TMEM260: variants seen among roughly 807,000 people sequenced by gnomAD.
TMEM260 encodes the protein protein O-mannosyl-transferase TMEM260.
In TMEM260, 82 loss-of-function variants were observed where a neutral mutation model predicts 88.9. The observed-to-expected ratio is 0.92, with a 90% CI of 0.77 to 1.11. The LOEUF (loss-of-function observed/expected upper bound fraction) is 1.11, where lower values mean the gene tolerates loss of function less well. Ranked by LOEUF, TMEM260 falls within the 50% of genes least tolerant of loss-of-function variation. TMEM260 has a pLI of 0.00. For missense variants in TMEM260, 902 were observed against 853.4 expected, an observed-to-expected ratio of 1.06 and a Z score of -0.71; for synonymous variants, 314 against 309.3, an observed-to-expected ratio of 1.02 and a Z score of -0.16.
intron 15 of TMEM260, among the ~76,000 whole-genome samples, chr14:56,644,251 A>G (rs1889803300): frequency 6.6e-6 from 1 of 152,226 alleles, no homozygotes; most frequent in South Asian, 2.1e-4. Context: ...ACCTGACTTC[A>G]AACTATACTA....
rs1408941598 is a variant in TMEM260, at chr14:56,632,988, C to G, written c.1548-7C>G. On this transcript the variant is annotated splice_region_variant and splice_polypyrimidine_tract_variant and intron_variant, in intron 12 of 15. Coordinates refer to ENST00000261556, the MANE Select transcript of TMEM260 (RefSeq NM_017799.4). Reference sequence around the variant, plus strand: ...AAGTACATCATGTATTTTTCTGTTTCCAACAGAAAAGAAACATTTGTTTGC... The same window carrying G: ...AAGTACATCATGTATTTTTCTGTTTGCAACAGAAAAGAAACATTTGTTTGC... The G allele has an allele frequency of 2.5e-6, 4 of 1,609,664 alleles. No individual in the cohort carries two copies. Among genetic ancestry groups the G allele is most frequent in the South Asian group, 2.2e-5 (2 of 90,622 alleles).
chr14:56,649,923 C>G, downstream of TMEM260: 1 of 327,410 alleles, frequency 3.1e-6, no homozygotes, highest in South Asian at 2.5e-5. Flanking sequence ...CTAAAAACCA[C>G]TGGTAAATGA....
At chr14:56,637,478 A>G (rs966629817) in intron 15 of TMEM260, among the ~76,000 whole-genome samples, 1 of 152,260 alleles carries the variant, frequency 6.6e-6, no homozygotes, top group African/African-American at 2.4e-5. Flanking sequence ...AGCAGATACA[A>G]GAGGCTTGCT....
Position 56,603,671 on chromosome 14 carries a change from A to G in TMEM260, c.345-144A>G, listed in dbSNP as rs541071936. ...TTAAAATCTGTTGAAGGAAATTATTATATGAGTTAATGTATTAACCATATA... is the reference window on the plus strand; with the variant it reads ...TTAAAATCTGTTGAAGGAAATTATTGTATGAGTTAATGTATTAACCATATA... On this transcript the variant is annotated intron_variant, in intron 3 of 15. Coordinates refer to ENST00000261556, the MANE Select transcript of TMEM260 (RefSeq NM_017799.4). 4.4e-4 allele frequency: 341 copies of G among 773,846 alleles called. 7 individuals carry two copies. The South Asian group carries it at 5.9e-3, about 13-fold the overall frequency. 47.9% of individuals were successfully genotyped at this position (773,846 alleles called of 1,614,324 possible).
chr14:56,581,734 A>C (rs1402547826), intron 1 of TMEM260, among the ~76,000 whole-genome samples: 1 of 152,196 alleles, frequency 6.6e-6, no homozygotes, highest in Non-Finnish European at 1.5e-5. Context: ...AAATGGGAAA[A>C]CTAAGGCTAA....
intron 3 of TMEM260, among the ~76,000 whole-genome samples, chr14:56,588,556 T>A (rs1312987887): frequency 1.3e-5 from 2 of 148,496 alleles, no homozygotes; most frequent in African/African-American, 5.2e-5. Flanking sequence ...AACACTGCAT[T>A]TTTTTGTCAA....
chr14:56,652,276 G>C (rs748087065), downstream of TMEM260, among the ~76,000 whole-genome samples: 2 of 151,942 alleles, frequency 1.3e-5, no homozygotes, highest in African/African-American at 2.4e-5. Context: ...CGGGTGGACC[G>C]CTTGAGTCCG....
chr14:56,614,295 G>A (rs144756318), intron 7 of TMEM260, among the ~76,000 whole-genome samples: 16,481 of 150,042 alleles, frequency 0.11, 1,447 homozygotes, highest in African/African-American at 0.24. Context: ...TGAGAGGATC[G>A]CTTGAGCCCA....
chr14:56,592,342 TA>T (rs1443784380), intron 3 of TMEM260, among the ~76,000 whole-genome samples: 2 of 152,236 alleles, frequency 1.3e-5, no homozygotes, highest in Non-Finnish European at 2.9e-5. Flanking sequence ...TTCTTAGGTC[TA>T]AACTTGACAA....
intron 15 of TMEM260, among the ~76,000 whole-genome samples, chr14:56,645,365 C>A (rs1024132570): frequency 8.6e-5 from 13 of 151,968 alleles, no homozygotes; most frequent in African/African-American, 3.1e-4. Context: ...AAGCTGGAAA[C>A]CATCATTCTG....
At chr14:56,661,536 G>A in the TMEM260 span, among the ~76,000 whole-genome samples, 5 of 131,088 alleles carry the variant, frequency 3.8e-5, no homozygotes, top group Admixed American at 7.3e-5. Flanking sequence ...AGGAGGAAAG[G>A]AGGGAGGGAG....
chr14:56,602,816 TA>T (rs1390846752), intron 3 of TMEM260, among the ~76,000 whole-genome samples: 1 of 152,106 alleles, frequency 6.6e-6, no homozygotes, highest in African/African-American at 2.4e-5. Flanking sequence ...TTTAATCATT[TA>T]AAAATAATGA....
the TMEM260 span, among the ~76,000 whole-genome samples, chr14:56,659,953 CTATG>C: frequency 6.6e-6 from 1 of 151,968 alleles, no homozygotes; most frequent in African/African-American, 2.4e-5. Flanking sequence ...GAGAAGCAAT[CTATG>C]TACTTAAAAA....
intron 12 of TMEM260, among the ~76,000 whole-genome samples, chr14:56,628,896 C>CTT (rs34838221): frequency 6.9e-6 from 1 of 145,244 alleles, no homozygotes; most frequent in East Asian, 2.0e-4. Flanking sequence ...TTTTGTATTT[C>CTT]TTTTTTTTTT....
At chr14:56,625,573 C>G (rs1888202046) in intron 12 of TMEM260, 43 bp downstream of exon 12, 2 of 1,516,542 alleles carry the variant, frequency 1.3e-6, no homozygotes, top group African/African-American at 1.4e-5. Flanking sequence ...AAATCTTAAG[C>G]TTTTCTAAAA....
chr14:56,636,583 C>T lies in TMEM260; in HGVS notation c.1854C>T (p.Tyr618=), dbSNP rs146422375. The change falls in exon 15 of 16, where the codon TAC becomes TAT. Residue 618 remains tyrosine, a synonymous_variant. Coordinates refer to ENST00000261556, the MANE Select transcript of TMEM260 (RefSeq NM_017799.4). ...HMPSKVKAQL[Y]AQAYDLYKEI... ...CTTCAAAAGTGAAAGCTCAACTCTA[C>T]GCTCAAGCATATGACGTATGTTACA... 5.0e-5 allele frequency: 80 copies of T among 1,613,776 alleles called. No homozygotes were observed. The highest frequency in any genetic ancestry group is 3.3e-4 in the Admixed American group (20 of 60,006).
intron 1 of TMEM260, among the ~76,000 whole-genome samples, chr14:56,583,001 AAGTT>A (rs1885239366): frequency 6.6e-6 from 1 of 152,212 alleles, no homozygotes; most frequent in African/African-American, 2.4e-5. Flanking sequence ...TGGTAAAAAG[AAGTT>A]AGAGAAAAAC....
chr14:56,590,727 A>G (rs1885802073), intron 3 of TMEM260, among the ~76,000 whole-genome samples: 1 of 152,244 alleles, frequency 6.6e-6, no homozygotes, highest in African/African-American at 2.4e-5. Flanking sequence ...AGCAGTGCTT[A>G]TGAGTCAAGT....
chr14:56,581,867 C>T (rs1885160291), intron 1 of TMEM260, among the ~76,000 whole-genome samples: 1 of 152,180 alleles, frequency 6.6e-6, no homozygotes, highest in Non-Finnish European at 1.5e-5. Context: ...TCTAAATCCA[C>T]CATCACATAT....
Sources: allele counts gnomAD v4.1 joint callset (sites outside exome capture counted in the v4.1 genomes callset), GRCh38; gene constraint gnomAD v4.1.1; transcripts MANE v1.5; gene names NCBI Gene and HGNC (gene_info 2026-07-23, HGNC 2026-07-21).